Variants in GRID1 observed in about 807,000 individuals in gnomAD.
GRID1 encodes the protein glutamate receptor ionotropic, delta-1.
GRID1 carries 28 observed loss-of-function variants against 98.0 expected under a neutral mutation model. That is an observed-to-expected ratio of 0.29 (90% CI 0.21 to 0.39). The LOEUF (loss-of-function observed/expected upper bound fraction) is 0.39. Among genes scored for constraint, GRID1 ranks in the 10% least tolerant of loss-of-function variants. The pLI is 1.00. For missense variants in GRID1, 1,111 were observed against 1,340.5 expected (o/e 0.83, Z 2.67); for synonymous variants, 553 against 538.5 (o/e 1.03, Z -0.37).
rs568217573 is a variant in GRID1 at position 86,275,672 on chromosome 10, A to G, written c.236-69024T>C. On this transcript the variant is annotated intron_variant, in intron 2 of 15. Transcript: ENST00000327946. ...ATTAGGGGGTTAAAGAGCAGATTTG[A>G]ACAGACAGAAGACAGTGAACTTAAA... 7.2e-5 allele frequency among the ~76,000 whole-genome samples: 11 copies of G among 152,274 alleles called. No individual in the cohort carries two copies. The East Asian group carries it at 2.1e-3, about 29-fold the overall frequency.
At chr10:86,350,692 G>T (rs1262794768) in intron 2 of GRID1, among the ~76,000 whole-genome samples, 1 of 151,728 alleles carries the variant, frequency 6.6e-6, no homozygotes, top group Non-Finnish European at 1.5e-5. Context: ...ATATTTATGG[G>T]GTACAGAGTG....
At chr10:86,338,785 T>C (rs1848267192) in intron 2 of GRID1, among the ~76,000 whole-genome samples, 1 of 152,188 alleles carries the variant, frequency 6.6e-6, no homozygotes, top group African/African-American at 2.4e-5. Context: ...CTTGAACTCC[T>C]GACCTCAAGT....
rs539591391 is a variant in GRID1 at position 85,707,440 on chromosome 10, A to G, written c.1997+15563T>C. ...ACCATCTCACACCAGTTAGAATGGC[A>G]ATCATTAAAAAGTCAGGAAACAACA... On this transcript the variant is annotated intron_variant, in intron 12 of 15. Coordinates refer to ENST00000327946, the MANE Select transcript of GRID1 (RefSeq NM_017551.3). Among the ~76,000 whole-genome samples the G allele has an allele frequency of 2.6e-5, 4 of 152,294 alleles. No homozygotes were observed. The East Asian group carries it at 5.8e-4, about 22-fold the overall frequency.
At chr10:85,731,530 G>A (rs1054681016) in intron 8 of GRID1, among the ~76,000 whole-genome samples, 2 of 151,978 alleles carry the variant, frequency 1.3e-5, no homozygotes, top group Admixed American at 6.6e-5. Context: ...GCTGAGAGCT[G>A]TGGCTTATGC....
intron 4 of GRID1, among the ~76,000 whole-genome samples, chr10:86,114,732 G>A (rs944342885): frequency 2.6e-5 from 4 of 152,116 alleles, no homozygotes; most frequent in Admixed American, 6.5e-5. Flanking sequence ...ACTGAGTTCC[G>A]CACTCTGTCA....
intron 12 of GRID1, among the ~76,000 whole-genome samples, chr10:85,672,384 T>C (rs1841096678): frequency 6.6e-6 from 1 of 152,206 alleles, no homozygotes; most frequent in South Asian, 2.1e-4. Flanking sequence ...CTTGGCTCAC[T>C]GCAACCTCCA....
chr10:85,932,325 C>T (rs1841867021), intron 4 of GRID1, among the ~76,000 whole-genome samples: 1 of 152,206 alleles, frequency 6.6e-6, no homozygotes, highest in Non-Finnish European at 1.5e-5. Context: ...GATCCTCCCA[C>T]CTCAGTCTCC....
intron 2 of GRID1, among the ~76,000 whole-genome samples, chr10:86,318,427 T>C (rs1589447830): frequency 6.6e-6 from 1 of 152,198 alleles, no homozygotes; most frequent in Non-Finnish European, 1.5e-5. Context: ...ACTCCGAAGG[T>C]CCTGCCCTCT....
chr10:85,797,197 A>G (rs1158548166), intron 8 of GRID1, among the ~76,000 whole-genome samples: 1 of 152,068 alleles, frequency 6.6e-6, no homozygotes, highest in Non-Finnish European at 1.5e-5. Context: ...ACCTCAAAAC[A>G]CTGGATAATT....
chr10:85,684,342 A>C (rs542976562), intron 12 of GRID1, among the ~76,000 whole-genome samples: 1 of 152,236 alleles, frequency 6.6e-6, no homozygotes, highest in Non-Finnish European at 1.5e-5. Flanking sequence ...TTGCTTGTAA[A>C]TATAGAGATA....
intron 8 of GRID1, among the ~76,000 whole-genome samples, chr10:85,739,378 G>A (rs1841918457): frequency 6.6e-6 from 1 of 151,890 alleles, no homozygotes; most frequent in African/African-American, 2.4e-5. Flanking sequence ...CCAGGAGATT[G>A]AGACCAACCC....
intron 8 of GRID1, among the ~76,000 whole-genome samples, chr10:85,826,194 G>A (rs1301308517): frequency 6.6e-6 from 1 of 152,112 alleles, no homozygotes; most frequent in Non-Finnish European, 1.5e-5. Flanking sequence ...AATTAGCTGG[G>A]CATGGTGGCA....
intron 7 of GRID1, among the ~76,000 whole-genome samples, chr10:85,855,266 T>C (rs1843098631): frequency 6.6e-6 from 1 of 152,244 alleles, no homozygotes; most frequent in Non-Finnish European, 1.5e-5. Flanking sequence ...CTCTCTCTAC[T>C]GGCTCAGTGG....
intron 4 of GRID1, among the ~76,000 whole-genome samples, chr10:86,036,291 G>C (rs1354570527): frequency 6.6e-6 from 1 of 152,140 alleles, no homozygotes; most frequent in Non-Finnish European, 1.5e-5. Flanking sequence ...TTCTGGCCTT[G>C]GGTCACACAT....
chr10:85,676,309 T>C (rs2132590646), intron 12 of GRID1, among the ~76,000 whole-genome samples: 1 of 152,256 alleles, frequency 6.6e-6, no homozygotes, highest in Middle Eastern at 3.4e-3. Context: ...AGCCAGCAAC[T>C]GACTCACATG....
chr10:86,224,709 C>T (rs571687939), intron 2 of GRID1, among the ~76,000 whole-genome samples: 16 of 152,322 alleles, frequency 1.1e-4, no homozygotes, highest in South Asian at 8.3e-4. Flanking sequence ...CCTCCCTCTA[C>T]GCAGCCATCC....
rs1219859879 is a variant in GRID1, at chr10:86,192,543, A to AT, written c.520+13820dup. 6.7e-6 allele frequency among the ~76,000 whole-genome samples: 1 copy of AT among 149,522 alleles called. No homozygotes were observed. Among genetic ancestry groups the AT allele is most frequent in the Non-Finnish European group, 1.5e-5 (1 of 66,290 alleles). ...GCTGAGGGCTGAAGGGAGGGGGGAG[A>AT]TGGGGGTCTTTGTTGAATGAGTACA... On this transcript the variant is annotated intron_variant, in intron 3 of 15. Coordinates refer to ENST00000327946, the MANE Select transcript of GRID1 (RefSeq NM_017551.3). The surrounding 1 kb of genome is among the most constrained non-coding windows in gnomAD (Gnocchi z 4.8).
At chr10:86,143,992 CG>C (rs1203159147) in intron 3 of GRID1, among the ~76,000 whole-genome samples, 1 of 152,140 alleles carries the variant, frequency 6.6e-6, no homozygotes, top group Admixed American at 6.5e-5. Context: ...CCAAGCCTGC[CG>C]GAGTCCTGCC....
chr10:86,177,804 G>A (rs1035847367), intron 3 of GRID1, among the ~76,000 whole-genome samples: 1 of 151,874 alleles, frequency 6.6e-6, no homozygotes. Flanking sequence ...CAGAAATAGA[G>A]ACTTTAGCGT....
Sources: allele counts gnomAD v4.1 joint callset (sites outside exome capture counted in the v4.1 genomes callset), GRCh38; gene constraint gnomAD v4.1.1; non-coding constraint Gnocchi (gnomAD v3.1); transcripts MANE v1.5; gene names NCBI Gene and HGNC (gene_info 2026-07-23, HGNC 2026-07-21).